NFAT5: variants seen among roughly 807,000 people sequenced by gnomAD.
NFAT5 encodes nuclear factor of activated T cells 5.
NFAT5 carries 31 observed loss-of-function variants against 166.5 expected under a neutral mutation model. That is an observed-to-expected ratio of 0.19 (90% CI 0.14 to 0.25). The LOEUF is 0.25. Ranked by LOEUF, NFAT5 falls within the 10% of genes least tolerant of loss-of-function variation. The pLI is 1.00. For missense variants in NFAT5, 1,449 were observed against 1,821.8 expected (o/e 0.80, Z 3.72); for synonymous variants, 612 against 639.7 (o/e 0.96, Z 0.65).
chr16:69,660,003 G>A, intron 7 of NFAT5, 104 bp downstream of exon 7: 1 of 989,970 alleles, frequency 1.0e-6, no homozygotes, highest in Non-Finnish European at 1.5e-6. Flanking sequence ...GCTCCGGCTT[G>A]TGATCATGCA....
intron 2 of NFAT5, among the ~76,000 whole-genome samples, chr16:69,596,337 T>A (rs1274082764): frequency 6.6e-6 from 1 of 152,216 alleles, no homozygotes; most frequent in Non-Finnish European, 1.5e-5. Flanking sequence ...AGGTATATAT[T>A]CTCATAGATA....
intron 2 of NFAT5, among the ~76,000 whole-genome samples, chr16:69,581,873 T>A (rs1444870714): frequency 6.6e-6 from 1 of 152,242 alleles, no homozygotes; most frequent in Non-Finnish European, 1.5e-5. Flanking sequence ...TATTAATATA[T>A]GCATTAACTT....
At chr16:69,613,380 T>A (rs1465989608) in intron 2 of NFAT5, among the ~76,000 whole-genome samples, 1 of 152,172 alleles carries the variant, frequency 6.6e-6, no homozygotes, top group Non-Finnish European at 1.5e-5. Flanking sequence ...TATCATTTCT[T>A]TGCTTAAAAC....
At chr16:69,679,810 T>C (rs1437467889) in intron 10 of NFAT5, among the ~76,000 whole-genome samples, 1 of 151,912 alleles carries the variant, frequency 6.6e-6, no homozygotes, top group Non-Finnish European at 1.5e-5. Context: ...CTAAGGAAAT[T>C]TGATATAAAA....
intron 3 of NFAT5, among the ~76,000 whole-genome samples, chr16:69,637,969 C>G (rs187618342): frequency 1.3e-5 from 2 of 151,892 alleles, no homozygotes; most frequent in Admixed American, 1.3e-4. Flanking sequence ...GCCTGTAATC[C>G]CAGCATTTTG....
At chr16:69,636,714 A>C (rs1057317145) in intron 3 of NFAT5, among the ~76,000 whole-genome samples, 1 of 152,132 alleles carries the variant, frequency 6.6e-6, no homozygotes, top group Non-Finnish European at 1.5e-5. Flanking sequence ...GACACAGGGC[A>C]CCAAGTCCCT....
rs1423160205 is a variant in NFAT5, at chr16:69,667,167, G to T, written c.1370-2810G>T. The stretch of plus-strand genomic sequence containing the variant: ...AAGGGGAACATCACACTCTGGGGAC[G>T]GTTGTGGGGTGGGGGGAGGGGGGAG... On this transcript the variant is annotated intron_variant, in intron 7 of 14. Transcript: ENST00000349945. Among the ~76,000 whole-genome samples the T allele has an allele frequency of 1.3e-4, 16 of 124,550 alleles. No individual in the cohort carries two copies. In the South Asian group the frequency reaches 3.8e-3, roughly 30 times the overall value. The allele number at this position is 124,550 out of a possible 152,430, so 81.7% of individuals were successfully genotyped here.
chr16:69,582,867 TA>T (rs2031789790), intron 2 of NFAT5, among the ~76,000 whole-genome samples: 1 of 151,888 alleles, frequency 6.6e-6, no homozygotes, highest in African/African-American at 2.4e-5. Flanking sequence ...AATTTTTATA[TA>T]AATTTTAGGA....
At chr16:69,637,490 C>T (rs1044704064) in intron 3 of NFAT5, among the ~76,000 whole-genome samples, 6 of 151,844 alleles carry the variant, frequency 4.0e-5, no homozygotes, top group Admixed American at 2.6e-4. Flanking sequence ...TTTGGACTTA[C>T]AGTTCCACAT....
chr16:69,569,719 T>G (rs1330326895), intron 2 of NFAT5, among the ~76,000 whole-genome samples: 1 of 152,218 alleles, frequency 6.6e-6, no homozygotes, highest in African/African-American at 2.4e-5. Flanking sequence ...AAATGTTAGT[T>G]TTTTCCTTTA....
At chr16:69,658,295 C>G (rs1417710549) in intron 6 of NFAT5, among the ~76,000 whole-genome samples, 1 of 151,570 alleles carries the variant, frequency 6.6e-6, no homozygotes, top group Non-Finnish European at 1.5e-5. Flanking sequence ...CCAGCCTGGC[C>G]AACATGGCGA....
At chr16:69,608,492 C>G (rs1049190217) in intron 2 of NFAT5, among the ~76,000 whole-genome samples, 1 of 152,160 alleles carries the variant, frequency 6.6e-6, no homozygotes. Flanking sequence ...CGCGGTGGCT[C>G]ACGCCTGTAA....
At chr16:69,603,663 G>A (rs2033257145) in intron 2 of NFAT5, among the ~76,000 whole-genome samples, 1 of 152,096 alleles carries the variant, frequency 6.6e-6, no homozygotes, top group Admixed American at 6.6e-5. Flanking sequence ...GAGGTGGGAG[G>A]ATGGCTTGAG....
At chr16:69,662,751 C>T (rs1056630875) in intron 7 of NFAT5, among the ~76,000 whole-genome samples, 3 of 151,658 alleles carry the variant, frequency 2.0e-5, no homozygotes, top group East Asian at 1.9e-4. Context: ...TGAGCCACTG[C>T]GCCCGGCCGA....
chr16:69,682,435 C>T (rs12595927), intron 10 of NFAT5, among the ~76,000 whole-genome samples: 2 of 148,218 alleles, frequency 1.3e-5, no homozygotes, highest in Non-Finnish European at 3.0e-5. Flanking sequence ...TAGTGAGACC[C>T]CCCCCCCCGC....
intron 2 of NFAT5, among the ~76,000 whole-genome samples, chr16:69,622,476 T>A (rs1158642660): frequency 6.6e-6 from 1 of 152,198 alleles, no homozygotes; most frequent in Non-Finnish European, 1.5e-5. Context: ...CTTGTTTGTT[T>A]TGAGGGGCAG....
At chr16:69,577,811 CACTGCACTCCAGCCTGGG>C (rs2016844269) in intron 2 of NFAT5, among the ~76,000 whole-genome samples, 4 of 152,020 alleles carry the variant, frequency 2.6e-5, no homozygotes, top group African/African-American at 9.7e-5. Flanking sequence ...TATATTCTGC[CACTGCACTCCAGCCTGGG>C]CAACAGAAGA....
chr16:69,607,486 T>C (rs2033476346), intron 2 of NFAT5, among the ~76,000 whole-genome samples: 2 of 152,160 alleles, frequency 1.3e-5, no homozygotes, highest in Admixed American at 1.3e-4. Context: ...CAAATGAAAA[T>C]TTATGTGCTT....
At chr16:69,579,240 A>G (rs183103386) in intron 2 of NFAT5, among the ~76,000 whole-genome samples, 2 of 152,262 alleles carry the variant, frequency 1.3e-5, no homozygotes, top group East Asian at 3.9e-4. Flanking sequence ...TGTGTCTGTT[A>G]TTAAATTATA....
Sources: gnomAD v4.1 joint callset for allele counts (sites outside exome capture counted in the v4.1 genomes callset) on GRCh38, gnomAD v4.1.1 for gene constraint, MANE v1.5 for transcripts, NCBI Gene and HGNC (gene_info 2026-07-23, HGNC 2026-07-21) for gene names.